The following NBPF9 variants were observed in gnomAD, a reference collection of about 807,000 sequenced individuals.
NBPF9 encodes NBPF member 9, also known as NBPF family member NBPF9.
Under a neutral mutation model 97.8 loss-of-function variants are expected in NBPF9, and 91 were observed. The ratio of observed to expected loss-of-function variants is 0.93; its 90% CI spans 0.79 to 1.11. NBPF9 has a LOEUF of 1.11. Among genes scored for constraint, NBPF9 ranks in the 50% least tolerant of loss-of-function variants. NBPF9 has a pLI of 0.00. For synonymous variants in NBPF9, 334 were observed against 359.5 expected, an observed-to-expected ratio of 0.93 and a Z score of 0.80; for missense variants, 992 against 939.5, an observed-to-expected ratio of 1.06 and a Z score of -0.73.
intron 4 of NBPF9, among the ~76,000 whole-genome samples, chr1:149,093,383 G>A (rs2081537075): frequency 6.6e-6 from 1 of 151,656 alleles, no homozygotes; most frequent in African/African-American, 2.4e-5. Flanking sequence ...CAACTGCAAA[G>A]AGGCCTTCCT....
intron 18 of NBPF9, chr1:149,064,901 CTT>C: frequency 1.9e-6 from 1 of 527,232 alleles, no homozygotes; most frequent in East Asian, 4.0e-5. Context: ...TGAACCAGCT[CTT>C]GAGTCAAAAT....
chr1:149,052,296 A>G (rs1377217106), downstream of NBPF9, among the ~76,000 whole-genome samples: 3 of 152,110 alleles, frequency 2.0e-5, no homozygotes, highest in Non-Finnish European at 4.4e-5. Context: ...AAGAGAACAA[A>G]TATAAGCTGC....
chr1:149,075,345 T>G (rs1273420971), intron 12 of NBPF9, among the ~76,000 whole-genome samples: 1 of 152,202 alleles, frequency 6.6e-6, no homozygotes, highest in Non-Finnish European at 1.5e-5. Context: ...GGATCTTATA[T>G]GGTAGAGAGG....
At chr1:149,070,188 T>C (rs1280076523) in intron 16 of NBPF9, among the ~76,000 whole-genome samples, 1 of 150,770 alleles carries the variant, frequency 6.6e-6, no homozygotes, top group African/African-American at 2.5e-5. Flanking sequence ...AGATGTGATG[T>C]TGTGCACCTG....
At chr1:149,078,042 C>G (rs1259984468) in intron 9 of NBPF9, 87 bp from the exon 10 acceptor site, 1 of 1,150,364 alleles carries the variant, frequency 8.7e-7, no homozygotes, top group Middle Eastern at 2.9e-4. Context: ...ACATGAACAT[C>G]TATGTATGGT....
At chr1:149,056,544 T>G (rs1553649044) in exon 29 of NBPF9, 1 of 103,182 alleles carries the variant, frequency 9.7e-6, no homozygotes, top group Non-Finnish European at 1.6e-5. Context: ...CTTCTTCCCC[T>G]TCTTTTCTTC....
At chr1:149,089,453 C>T (rs1490346527) in intron 5 of NBPF9, among the ~76,000 whole-genome samples, 2 of 152,400 alleles carry the variant, frequency 1.3e-5, no homozygotes, top group East Asian at 3.9e-4. Flanking sequence ...CACTTCCAGG[C>T]TCCATCGGGT....
intron 5 of NBPF9, among the ~76,000 whole-genome samples, chr1:149,089,100 C>T (rs2152919399): frequency 6.6e-6 from 1 of 152,138 alleles, no homozygotes; most frequent in East Asian, 1.9e-4. Context: ...GGCCTGTCCT[C>T]TACTCTTCCA....
chr1:149,074,509 T>C (rs2079684668), intron 12 of NBPF9, among the ~76,000 whole-genome samples: 1 of 151,488 alleles, frequency 6.6e-6, no homozygotes, highest in Non-Finnish European at 1.5e-5. Context: ...TGCCAATAAA[T>C]GTTCTAGGAG....
chr1:149,072,018 G>A lies in NBPF9; in HGVS notation c.1307-342C>T, dbSNP rs1237741093. Among the ~76,000 whole-genome samples the A allele has an allele frequency of 2.5e-4, 36 of 145,348 alleles. 1 individual carries two copies. Among genetic ancestry groups the A allele is most frequent in the Admixed American group, 1.0e-3 (15 of 14,742 alleles). ...AGGCACAGGCTTGGTGTCCTGTCAC[G>A]GTTTGCATTTCAAACCTAATTCTTT... On this transcript the variant is annotated intron_variant, in intron 14 of 29. Transcript: ENST00000584027.
At chr1:149,073,827 A>G in exon 13 of NBPF9, 1 of 1,510,370 alleles carries the variant, frequency 6.6e-7, no homozygotes, top group South Asian at 1.1e-5. Context: ...ACTGTCGCTC[A>G]TTCCTCAGCA....
At chr1:149,084,726 G>A (rs587718308) in intron 5 of NBPF9, among the ~76,000 whole-genome samples, 50 of 151,300 alleles carry the variant, frequency 3.3e-4, no homozygotes, top group African/African-American at 1.1e-3. Flanking sequence ...TCAACATCAC[G>A]CCAGCTGAGG....
intron 5 of NBPF9, among the ~76,000 whole-genome samples, chr1:149,087,896 G>A (rs1452916605): frequency 3.1e-4 from 44 of 142,330 alleles, no homozygotes; most frequent in South Asian, 2.3e-4. Flanking sequence ...GCAGTGATGC[G>A]ATCTCGGCTC....
rs1467350192 is a variant in NBPF9, at chr1:149,057,732, C to CAA, written c.2811-226_2811-225insTT. ...ACACACACACACACACACACACACA[C>CAA]ACACACACACACACACACACAGAGA... On this transcript the variant is annotated intron_variant, in intron 27 of 29. Coordinates refer to ENST00000584027, the Ensembl canonical transcript of NBPF9. Among the ~76,000 whole-genome samples the CAA allele has an allele frequency of 2.1e-3, 196 of 95,118 alleles. 2 individuals carry two copies. Among genetic ancestry groups the CAA allele is most frequent in the African/African-American group, 6.1e-3 (161 of 26,394 alleles). 62.4% of individuals were successfully genotyped at this position (95,118 alleles called of 152,430 possible).
chr1:149,073,633 G>T, intron 13 of NBPF9, 135 bp downstream of exon 13: 3 of 726,300 alleles, frequency 4.1e-6, no homozygotes, highest in Non-Finnish European at 7.3e-6. Flanking sequence ...ATAAATATTT[G>T]TGTGTAGCGA....
Position 149,063,615 on chromosome 1 carries a change from T to G in NBPF9, c.2026+18A>C. 3 of 607,188 alleles carry G rather than the reference T, an allele frequency of 4.9e-6. No individual in the cohort carries two copies. Among genetic ancestry groups the G allele is most frequent in the Non-Finnish European group, 5.7e-6 (2 of 351,502 alleles). The allele number at this position is 607,188 out of a possible 1,614,324, so 37.6% of individuals were successfully genotyped here. A position where few individuals can be genotyped will look rare whatever the true frequency, so the allele number is the denominator to read the frequency against. ...AAGACTCAGTGGATCCTTATCACCT[T>G]CATAGAAAGGTACTCACCATCCATG... is the stretch of plus-strand genomic sequence containing the variant. On this transcript the variant is annotated intron_variant, in intron 20 of 29. Transcript: ENST00000584027.
chr1:149,072,901 G>A lies in NBPF9; in HGVS notation c.1123C>T (p.Arg375Ter), dbSNP rs782319969. ...TTCTCCCTTAACTGGGTCAGCTCTC[G>A]TTCCTGAGCGTGAACCAGGACTTTA... The change falls in exon 14 of 30, where the codon CGA becomes TGA. Residue 375 changes from arginine to a stop codon, truncating the protein, a stop_gained. Transcript: ENST00000584027. LOFTEE classifies it high-confidence loss of function. 109 of 1,606,894 alleles carry A rather than the reference G, an allele frequency of 6.8e-5. No individual in the cohort carries two copies. The highest frequency in any genetic ancestry group is 2.0e-4 in the East Asian group (9 of 44,834).
At chr1:149,068,924 G>T (rs2079196082) in intron 17 of NBPF9, among the ~76,000 whole-genome samples, 1 of 150,862 alleles carries the variant, frequency 6.6e-6, no homozygotes, top group African/African-American at 2.4e-5. Context: ...ACAACAAACT[G>T]TCAGACCACA....
intron 21 of NBPF9, among the ~76,000 whole-genome samples, 167 bp downstream of exon 21, chr1:149,062,695 A>T (rs1304045547): frequency 2.0e-5 from 3 of 151,568 alleles, no homozygotes; most frequent in African/African-American, 4.9e-5. Context: ...AAGGGGAGGA[A>T]GAAATGGAAA....
Sources: gnomAD v4.1 joint callset for allele counts (sites outside exome capture counted in the v4.1 genomes callset) on GRCh38, gnomAD v4.1.1 for gene constraint, MANE v1.5 for transcripts, NCBI Gene and HGNC (gene_info 2026-07-23, HGNC 2026-07-21) for gene names.